The following MACROD2 variants were observed in gnomAD, a reference collection of about 807,000 sequenced individuals.
The protein encoded by MACROD2 is ADP-ribose glycohydrolase MACROD2.
MACROD2 carries 36 observed loss-of-function variants against 70.4 expected under a neutral mutation model. That is an observed-to-expected ratio of 0.51 (90% CI 0.39 to 0.68). The LOEUF is 0.68. Ranked by LOEUF, MACROD2 falls within the 30% of genes least tolerant of loss-of-function variation. The pLI is 0.00. For synonymous variants in MACROD2, 172 were observed against 178.8 expected (o/e 0.96, Z 0.30); for missense variants, 496 against 538.4 (o/e 0.92, Z 0.78).
At chr20:15,514,152 A>G (rs1239030441) in intron 8 of MACROD2, among the ~76,000 whole-genome samples, 1 of 152,258 alleles carries the variant, frequency 6.6e-6, no homozygotes, top group East Asian at 1.9e-4. Context: ...AAAAAATACA[A>G]TAAGTTAAAG....
intron 4 of MACROD2, among the ~76,000 whole-genome samples, chr20:14,562,176 C>A (rs760280923): frequency 6.6e-6 from 1 of 151,692 alleles, no homozygotes; most frequent in Non-Finnish European, 1.5e-5. Context: ...GGAGGTAAAA[C>A]CAATGGCCAT....
intron 5 of MACROD2, among the ~76,000 whole-genome samples, chr20:15,191,114 T>G (rs1048792144): frequency 1.4e-4 from 21 of 152,228 alleles, no homozygotes; most frequent in Admixed American, 3.9e-4. Flanking sequence ...AAAACAAAAA[T>G]GAAGAAGTGG....
chr20:15,259,357 G>A (rs1370088326), intron 6 of MACROD2, among the ~76,000 whole-genome samples: 1 of 152,014 alleles, frequency 6.6e-6, no homozygotes, highest in African/African-American at 2.4e-5. Flanking sequence ...TGTGGGGGGA[G>A]CTGGCATAGG....
chr20:14,624,232 G>A (rs972507414), intron 4 of MACROD2, among the ~76,000 whole-genome samples: 9 of 152,124 alleles, frequency 5.9e-5, no homozygotes, highest in African/African-American at 2.2e-4. Flanking sequence ...CCAAAGTAAA[G>A]GAGAAACTAT....
At chr20:14,564,699 C>T (rs1369476254) in intron 4 of MACROD2, among the ~76,000 whole-genome samples, 3 of 151,544 alleles carry the variant, frequency 2.0e-5, no homozygotes, top group African/African-American at 7.3e-5. Context: ...TACATGTTGG[C>T]AAGGATGTAG....
chr20:14,659,179 C>G (rs1600508532), intron 4 of MACROD2, among the ~76,000 whole-genome samples: 2 of 152,034 alleles, frequency 1.3e-5, no homozygotes, highest in African/African-American at 4.8e-5. Context: ...GGAAATATAC[C>G]ACATATCAAG....
At chr20:14,436,788 C>T (rs2084061225) in intron 3 of MACROD2, among the ~76,000 whole-genome samples, 2 of 152,138 alleles carry the variant, frequency 1.3e-5, no homozygotes, top group African/African-American at 2.4e-5. Flanking sequence ...GTGTCCTTGT[C>T]TTTGAAAAAC....
Position 14,002,416 on chromosome 20 carries a change from G to A in MACROD2, c.163+12G>A, listed in dbSNP as rs747429721. 8 of 1,533,146 alleles carry A rather than the reference G, an allele frequency of 5.2e-6. No individual in the cohort carries two copies. The highest frequency in any genetic ancestry group is 2.4e-5 in the South Asian group (2 of 83,114). 95.0% of individuals were successfully genotyped at this position (1,533,146 alleles called of 1,614,324 possible). On this transcript the variant is annotated intron_variant, in intron 2 of 17. Coordinates refer to ENST00000684519, the MANE Select transcript of MACROD2 (RefSeq NM_001351661.2). ...GGGCCAAAATGATGGTAAGTTTCTC[G>A]GAACATTTTTTAGGTAGATATTTTT...
chr20:15,149,688 G>A (rs543262205), intron 5 of MACROD2, among the ~76,000 whole-genome samples: 39 of 152,122 alleles, frequency 2.6e-4, no homozygotes, highest in East Asian at 7.7e-4. Context: ...GTATTAGGGC[G>A]GCAGCAGCTG....
intron 8 of MACROD2, among the ~76,000 whole-genome samples, chr20:15,677,002 A>C (rs531782945): frequency 6.6e-6 from 1 of 152,352 alleles, no homozygotes; most frequent in African/African-American, 2.4e-5. Context: ...CTATTTGCAT[A>C]ATATAACATA....
Position 14,963,593 on chromosome 20 carries a change from G to A in MACROD2, c.419-266347G>A, listed in dbSNP as rs144814884. ...AACAGCTTCCAACACATTCCCTGCC[G>A]GTGGTGGGTTTTGATTGACATTTTA... On this transcript the variant is annotated intron_variant, in intron 5 of 17. Coordinates refer to ENST00000684519, the MANE Select transcript of MACROD2 (RefSeq NM_001351661.2). Among the ~76,000 whole-genome samples, 1,146 of 152,206 alleles carry A rather than the reference G, an allele frequency of 7.5e-3. 34 individuals are homozygous for A. Among genetic ancestry groups the A allele is most frequent in the Admixed American group, 0.057 (876 of 15,292 alleles).
At chr20:15,191,950 T>A (rs2076574288) in intron 5 of MACROD2, among the ~76,000 whole-genome samples, 1 of 103,120 alleles carries the variant, frequency 9.7e-6, no homozygotes, top group Non-Finnish European at 2.1e-5. Context: ...AGAGAGTTAA[T>A]ACATATATAC....
chr20:15,498,787 C>T (rs1320559662), intron 7 of MACROD2, among the ~76,000 whole-genome samples: 1 of 152,062 alleles, frequency 6.6e-6, no homozygotes, highest in African/African-American at 2.4e-5. Flanking sequence ...GAATTGTAAA[C>T]TTTAAAACAA....
At chr20:14,215,265 T>A (rs1044093780) in intron 3 of MACROD2, among the ~76,000 whole-genome samples, 2 of 151,030 alleles carry the variant, frequency 1.3e-5, no homozygotes, top group East Asian at 3.9e-4. Context: ...TATTCCATCA[T>A]ATATATATGT....
chr20:15,081,329 T>C (rs777522505), intron 5 of MACROD2, among the ~76,000 whole-genome samples: 3 of 152,188 alleles, frequency 2.0e-5, no homozygotes, highest in Non-Finnish European at 4.4e-5. Flanking sequence ...ACAGAGATTT[T>C]TATGGGATGC....
chr20:15,955,774 C>T (rs551006610), intron 12 of MACROD2, among the ~76,000 whole-genome samples: 45 of 151,896 alleles, frequency 3.0e-4, no homozygotes, highest in South Asian at 6.3e-4. Context: ...CCATTATATC[C>T]AAATAGAATA....
intron 8 of MACROD2, among the ~76,000 whole-genome samples, chr20:15,571,508 T>C (rs2048376025): frequency 6.6e-6 from 1 of 152,096 alleles, no homozygotes; most frequent in Non-Finnish European, 1.5e-5. Flanking sequence ...ATCTTAGTTA[T>C]AAACTTTATA....
chr20:14,974,036 T>C (rs1183162211), intron 5 of MACROD2, among the ~76,000 whole-genome samples: 1 of 152,168 alleles, frequency 6.6e-6, no homozygotes, highest in Non-Finnish European at 1.5e-5. Flanking sequence ...AAATTGGACC[T>C]GGAAGAGTTT....
intron 3 of MACROD2, among the ~76,000 whole-genome samples, chr20:14,347,197 G>A (rs1430229760): frequency 1.3e-5 from 2 of 152,170 alleles, no homozygotes; most frequent in African/African-American, 4.8e-5. Flanking sequence ...GAGGTGAAAA[G>A]TGTCCTAATT....
Sources: allele counts gnomAD v4.1 joint callset (sites outside exome capture counted in the v4.1 genomes callset), GRCh38; gene constraint gnomAD v4.1.1; transcripts MANE v1.5; gene names NCBI Gene and HGNC (gene_info 2026-07-23, HGNC 2026-07-21).